The following RALYL variants were observed in gnomAD, a reference collection of about 807,000 sequenced individuals.
RALYL encodes the protein RALY RNA binding protein like.
A neutral mutation model predicts 35.1 loss-of-function variants in RALYL; 29 were observed. The observed-to-expected ratio is 0.83, with a 90% CI of 0.61 to 1.13. The LOEUF (loss-of-function observed/expected upper bound fraction) is 1.13. Among genes scored for constraint, RALYL ranks in the 50% most tolerant of loss-of-function variants. The probability of loss-of-function intolerance (pLI) is 0.00; values close to 1 mark genes in which losing one functional copy is unlikely to be tolerated. For missense variants in RALYL, 359 were observed against 360.4 expected, an observed-to-expected ratio of 1.00 and a Z score of 0.03; for synonymous variants, 120 against 127.6, an observed-to-expected ratio of 0.94 and a Z score of 0.40.
At chr8:84,616,784 G>A (rs577194426) in intron 2 of RALYL, among the ~76,000 whole-genome samples, 1 of 151,842 alleles carries the variant, frequency 6.6e-6, no homozygotes, top group South Asian at 2.1e-4. Context: ...TGTAAGGAAG[G>A]GATCCAGTTT....
rs375393315 is a variant in RALYL at position 84,727,560 on chromosome 8, G to A, written c.257-47019G>A. ...ATATGTATACATGTGACATGCTGGT[G>A]CGCTGCACCCACTAACTCGTCATCT... On this transcript the variant is annotated intron_variant, in intron 2 of 8. Coordinates refer to ENST00000521268, the MANE Select transcript of RALYL (RefSeq NM_173848.7). Among the ~76,000 whole-genome samples the A allele has an allele frequency of 7.9e-5, 12 of 151,756 alleles. No homozygotes were observed. In the East Asian group the frequency reaches 2.1e-3, roughly 27 times the overall value.
intron 3 of RALYL, among the ~76,000 whole-genome samples, chr8:84,793,379 T>C (rs934358405): frequency 6.6e-6 from 1 of 152,174 alleles, no homozygotes; most frequent in African/African-American, 2.4e-5. Flanking sequence ...AATTAATCAA[T>C]TGGGTCAACT....
chr8:84,841,428 T>G (rs972461140), intron 4 of RALYL, among the ~76,000 whole-genome samples: 5 of 152,126 alleles, frequency 3.3e-5, no homozygotes, highest in African/African-American at 1.2e-4. Flanking sequence ...CTATCCTAAA[T>G]ATATATGCAC....
intron 8 of RALYL, among the ~76,000 whole-genome samples, chr8:84,900,975 G>C (rs1845583875): frequency 1.3e-5 from 2 of 152,160 alleles, no homozygotes; most frequent in East Asian, 3.9e-4. Context: ...GTAGAGGAAG[G>C]TGGGTCAGTG....
intron 2 of RALYL, among the ~76,000 whole-genome samples, chr8:84,613,509 T>C (rs1818772423): frequency 6.6e-6 from 1 of 151,450 alleles, no homozygotes; most frequent in Admixed American, 6.6e-5. Flanking sequence ...TGCATCCTCT[T>C]AGCAACCTTA....
chr8:84,191,580 A>G (rs1241486662), intron 1 of RALYL, among the ~76,000 whole-genome samples: 1 of 152,106 alleles, frequency 6.6e-6, no homozygotes, highest in African/African-American at 2.4e-5. Context: ...GCCTGGGACA[A>G]CTCACTGCAG....
chr8:84,415,772 T>A (rs1410055485), intron 1 of RALYL, among the ~76,000 whole-genome samples: 1 of 152,240 alleles, frequency 6.6e-6, no homozygotes, highest in African/African-American at 2.4e-5. Flanking sequence ...TATGTATGTA[T>A]AACTGTATAT....
chr8:84,689,585 A>G (rs1837585009), intron 2 of RALYL, among the ~76,000 whole-genome samples: 1 of 152,122 alleles, frequency 6.6e-6, no homozygotes, highest in Admixed American at 6.6e-5. Flanking sequence ...TCCTTTGGGT[A>G]TATACCCAGT....
At chr8:84,313,020 A>T (rs2129995755) in intron 1 of RALYL, among the ~76,000 whole-genome samples, 1 of 152,266 alleles carries the variant, frequency 6.6e-6, no homozygotes, top group East Asian at 1.9e-4. Flanking sequence ...CATCCTCTGA[A>T]ATTTACGTGG....
intron 2 of RALYL, among the ~76,000 whole-genome samples, chr8:84,688,899 T>C (rs961788135): frequency 1.3e-5 from 2 of 151,794 alleles, no homozygotes; most frequent in African/African-American, 4.8e-5. Context: ...TAAGAAATGG[T>C]TAAAGGGATG....
intron 3 of RALYL, among the ~76,000 whole-genome samples, chr8:84,782,784 G>A (rs1818500492): frequency 6.6e-6 from 1 of 152,204 alleles, no homozygotes; most frequent in Admixed American, 6.5e-5. Context: ...CCCTGCCTGG[G>A]ATGAAGATGC....
intron 3 of RALYL, among the ~76,000 whole-genome samples, chr8:84,801,857 A>C (rs1823364355): frequency 6.6e-6 from 1 of 152,180 alleles, no homozygotes; most frequent in Non-Finnish European, 1.5e-5. Flanking sequence ...TAACACAAAA[A>C]CATTTCAGGT....
chr8:84,640,039 A>G (rs1169618148), intron 2 of RALYL, among the ~76,000 whole-genome samples: 2 of 151,996 alleles, frequency 1.3e-5, no homozygotes, highest in Non-Finnish European at 2.9e-5. Flanking sequence ...ATAAATTTGT[A>G]TAGCTTTGAT....
At chr8:84,375,783 T>C (rs1183204876) in intron 1 of RALYL, among the ~76,000 whole-genome samples, 2 of 151,842 alleles carry the variant, frequency 1.3e-5, no homozygotes, top group African/African-American at 2.4e-5. Context: ...CCAACGAAGA[T>C]TTTGAAATAT....
At chr8:84,622,770 TG>T in intron 2 of RALYL, among the ~76,000 whole-genome samples, 1 of 152,178 alleles carries the variant, frequency 6.6e-6, no homozygotes, top group South Asian at 2.1e-4. Context: ...TAGAAAATAA[TG>T]GGAAATAAAG....
intron 1 of RALYL, among the ~76,000 whole-genome samples, chr8:84,320,660 ATC>A (rs759399351): frequency 2.0e-5 from 3 of 152,110 alleles, no homozygotes; most frequent in Non-Finnish European, 2.9e-5. Context: ...GTTACTTAAT[ATC>A]TGTTATGTAT....
At chr8:84,665,712 TAGCTAG>T (rs1831874416) in intron 2 of RALYL, 2 of 151,938 alleles carry the variant, frequency 1.3e-5, no homozygotes, top group Non-Finnish European at 2.9e-5. Flanking sequence ...CTTTATTAGC[TAGCTAG>T]AAGTCTATTT....
At chr8:84,907,076 T>C (rs1846625649) in intron 8 of RALYL, 1 of 531,850 alleles carries the variant, frequency 1.9e-6, no homozygotes, top group Non-Finnish European at 2.4e-6. Context: ...TATGCATATT[T>C]GATATTTTCT....
At chr8:84,575,457 T>G (rs1237591350) in intron 2 of RALYL, among the ~76,000 whole-genome samples, 1 of 152,206 alleles carries the variant, frequency 6.6e-6, no homozygotes, top group South Asian at 2.1e-4. Context: ...ACTTTACATT[T>G]TTATGCGTTA....
Sources: allele counts gnomAD v4.1 joint callset (sites outside exome capture counted in the v4.1 genomes callset), GRCh38; gene constraint gnomAD v4.1.1; transcripts MANE v1.5; gene names NCBI Gene and HGNC (gene_info 2026-07-23, HGNC 2026-07-21).